The following ERN1 variants were observed in gnomAD, a reference collection of about 807,000 sequenced individuals.
The protein encoded by ERN1 is serine/threonine-protein kinase/endoribonuclease IRE1.
Under a neutral mutation model 113.1 loss-of-function variants are expected in ERN1, and 39 were observed. The ratio of observed to expected loss-of-function variants is 0.34; its 90% CI spans 0.27 to 0.45. The LOEUF (loss-of-function observed/expected upper bound fraction) is 0.45. ERN1 is among the 20% of genes least tolerant of loss of function. ERN1 has a pLI of 1.00. For synonymous variants in ERN1, 507 were observed against 515.9 expected (o/e 0.98, Z 0.23); for missense variants, 976 against 1,274.8 (o/e 0.77, Z 3.57).
At chr17:64,117,784 C>T (rs1302184457) in intron 1 of ERN1, among the ~76,000 whole-genome samples, 1 of 152,164 alleles carries the variant, frequency 6.6e-6, no homozygotes, top group Admixed American at 6.5e-5. Context: ...GCCTCCATCT[C>T]CCTTGCTCTG....
rs1361897632 is a variant in ERN1 at position 64,055,910 on chromosome 17, G to GAAC, written c.1434_1436dup (p.Gln478_Phe479insLeu). The GAAC allele has an allele frequency of 6.5e-6, 10 of 1,549,562 alleles. No homozygotes were observed. Among genetic ancestry groups the GAAC allele is most frequent in the African/African-American group, 1.4e-5 (1 of 72,980 alleles). On this transcript the variant is annotated inframe_insertion, in exon 13 of 22. Transcript: ENST00000433197. Reference sequence around the variant, plus strand: ...GCTGGATCTTCTCCAGTTCCTTCTGGAACTGCTGGTGCTGGAGCTGCTGCT... The same window carrying GAAC: ...GCTGGATCTTCTCCAGTTCCTTCTGGAACAACTGCTGGTGCTGGAGCTGCTGCT...
intron 1 of ERN1, among the ~76,000 whole-genome samples, chr17:64,120,103 C>G (rs1011430885): frequency 2.6e-5 from 4 of 152,020 alleles, no homozygotes; most frequent in Admixed American, 2.0e-4. Context: ...CCCCCACTCC[C>G]AGAGATTCCA....
intron 9 of ERN1, among the ~76,000 whole-genome samples, 191 bp from the exon 10 acceptor site, chr17:64,064,342 T>C (rs1913149981): frequency 6.6e-6 from 1 of 152,246 alleles, no homozygotes; most frequent in African/African-American, 2.4e-5. Context: ...TGCACTGATG[T>C]CTTTATGGAC....
intron 2 of ERN1, 34 bp from the exon 3 acceptor site, chr17:64,080,842 A>G: frequency 2.5e-6 from 4 of 1,600,666 alleles, no homozygotes; most frequent in Non-Finnish European, 3.4e-6. Context: ...ATCATCAGAA[A>G]CATCCCAAAA....
chr17:64,083,530 T>C (rs1208080742), intron 2 of ERN1, among the ~76,000 whole-genome samples: 3 of 152,224 alleles, frequency 2.0e-5, no homozygotes, highest in African/African-American at 7.2e-5. Flanking sequence ...CCAAGTTGTT[T>C]TACTTTCAGA....
chr17:64,070,489 T>C (rs539210486), intron 6 of ERN1, among the ~76,000 whole-genome samples: 1 of 152,338 alleles, frequency 6.6e-6, no homozygotes, highest in Admixed American at 6.5e-5. Context: ...ATTTACTTAA[T>C]GGAAAAGGTA....
At position 64,130,116 on chromosome 17, in the gene ERN1, C is replaced by G; in HGVS notation, c.-87G>C. ...GACGACAGCGAGGCGGTGACCGAGC[C>G]TCAGCGGACGCAGAACTGACTAGGC... On this transcript the variant is annotated 5_prime_UTR_variant, in exon 1 of 22. Coordinates refer to ENST00000433197, the MANE Select transcript of ERN1 (RefSeq NM_001433.5). The surrounding 1 kb of genome is among the most constrained non-coding windows in gnomAD (Gnocchi z 4.0). 8.3e-7 allele frequency: 1 copy of G among 1,209,364 alleles called. No individual in the cohort carries two copies. 74.9% of individuals were successfully genotyped at this position (1,209,364 alleles called of 1,614,324 possible).
chr17:64,080,187 C>T (rs1048987493), intron 3 of ERN1, among the ~76,000 whole-genome samples: 2 of 152,184 alleles, frequency 1.3e-5, no homozygotes, highest in African/African-American at 2.4e-5. Flanking sequence ...TTTTGTTTAA[C>T]TGGAGGCAAT....
chr17:64,074,103 C>T (rs1005197723), intron 5 of ERN1, among the ~76,000 whole-genome samples: 1 of 152,138 alleles, frequency 6.6e-6, no homozygotes, highest in African/African-American at 2.4e-5. Context: ...GCTAGGACCA[C>T]GAACCTTTTC....
rs8065413 is a variant in ERN1, at chr17:64,039,967, C to T, written c.*4021G>A. The T allele has an allele frequency of 1.9e-4, 29 of 152,290 alleles. No homozygotes were observed. The Middle Eastern group carries it at 0.017, about 89-fold the overall frequency. The allele number at this position is 152,290 out of a possible 1,614,324, so 9.4% of individuals were successfully genotyped here. On this transcript the variant is annotated 3_prime_UTR_variant, in exon 22 of 22. Transcript: ENST00000433197. ...AACCAGAGTTACTCACGGGAAATCA[C>T]TGTTTCATAAAGAAGGAGGGGAGTA...
chr17:64,087,543 G>A (rs190653044), intron 2 of ERN1, among the ~76,000 whole-genome samples: 1 of 152,276 alleles, frequency 6.6e-6, no homozygotes, highest in Admixed American at 6.5e-5. Context: ...AGCAGTGACT[G>A]TAAATGTTTT....
At chr17:64,045,267 A>C in intron 20 of ERN1, 92 bp downstream of exon 20, 1 of 1,497,268 alleles carries the variant, frequency 6.7e-7, no homozygotes, top group Non-Finnish European at 9.2e-7. Context: ...GTGGGGCCTG[A>C]ACAGCCTGGA....
At chr17:64,124,219 A>G (rs781291387) in intron 1 of ERN1, among the ~76,000 whole-genome samples, 1 of 152,230 alleles carries the variant, frequency 6.6e-6, no homozygotes, top group Non-Finnish European at 1.5e-5. Context: ...TTAAACAAAG[A>G]GTTACCATAT....
At chr17:64,045,211 C>G in intron 20 of ERN1, 148 bp downstream of exon 20, 1 of 896,922 alleles carries the variant, frequency 1.1e-6, no homozygotes, top group Non-Finnish European at 1.7e-6. Context: ...TGTAACCAAA[C>G]CACAGAGGAC....
Position 64,097,158 on chromosome 17 carries a change from T to A in ERN1, c.175+963A>T, listed in dbSNP as rs1914252694. ...GAGCTGGTCTTTGGGCTGCTTAAAGTTCCTGCTGATCCAAGCAGGGCCCAT... is the reference window on the plus strand; with the variant it reads ...GAGCTGGTCTTTGGGCTGCTTAAAGATCCTGCTGATCCAAGCAGGGCCCAT... On this transcript the variant is annotated intron_variant, in intron 2 of 21. Transcript: ENST00000433197. Among the ~76,000 whole-genome samples the A allele has an allele frequency of 2.0e-5, 3 of 152,202 alleles. No homozygotes were observed. In the South Asian group the frequency reaches 6.2e-4, roughly 32 times the overall value.
chr17:64,129,586 G>C (rs1162313812), intron 1 of ERN1: 1 of 358,790 alleles, frequency 2.8e-6, no homozygotes, highest in Non-Finnish European at 5.0e-6. Flanking sequence ...GGCAGCGCCG[G>C]CGCCCGCCCG....
At chr17:64,073,226 T>C (rs974702742) in intron 5 of ERN1, among the ~76,000 whole-genome samples, 1 of 151,544 alleles carries the variant, frequency 6.6e-6, no homozygotes, top group African/African-American at 2.4e-5. Context: ...TGGAGTGCAG[T>C]GGAGTGATCT....
intron 19 of ERN1, among the ~76,000 whole-genome samples, chr17:64,047,108 C>A (rs572118819): frequency 1.3e-5 from 2 of 152,326 alleles, no homozygotes; most frequent in African/African-American, 4.8e-5. Flanking sequence ...CCTGTAATCC[C>A]AGCACTTTGG....
chr17:64,107,606 C>T (rs1026807245), intron 1 of ERN1, among the ~76,000 whole-genome samples: 8 of 152,256 alleles, frequency 5.3e-5, no homozygotes, highest in South Asian at 2.1e-4. Flanking sequence ...CAGGCTTGAG[C>T]GGCTGGCCTA....
Sources: gnomAD v4.1 joint callset for allele counts (sites outside exome capture counted in the v4.1 genomes callset) on GRCh38, gnomAD v4.1.1 for gene constraint, Gnocchi (gnomAD v3.1) non-coding constraint, MANE v1.5 for transcripts, NCBI Gene and HGNC (gene_info 2026-07-23, HGNC 2026-07-21) for gene names.